The following GZMK variants were observed in gnomAD, a reference collection of about 807,000 sequenced individuals.
The protein encoded by GZMK is granzyme K.
Under a neutral mutation model 22.8 loss-of-function variants are expected in GZMK, and 18 were observed. The observed-to-expected ratio is 0.79, with a 90% CI of 0.54 to 1.17. The LOEUF is 1.17. GZMK is among the 50% of genes most tolerant of loss of function. GZMK has a pLI of 0.00. For missense variants in GZMK, 342 were observed against 320.2 expected (o/e 1.07, Z -0.52); for synonymous variants, 136 against 115.0 (o/e 1.18, Z -1.17).
rs1181887378 is a variant in GZMK, at chr5:55,033,837, G to A, written c.706G>A (p.Val236Ile). 6.2e-7 allele frequency: 1 copy of A among 1,613,536 alleles called. No homozygotes were observed. The highest frequency in any genetic ancestry group is 1.1e-5 in the South Asian group (1 of 91,070). The change falls in exon 5 of 5, where the codon GTT (valine) becomes ATT (isoleucine). Residue 236 changes from valine (V) to isoleucine (I), a missense_variant. Physicochemically the swap from Val to Ile is conservative, Grantham distance 29. Transcript: ENST00000231009. The stretch of plus-strand genomic sequence containing the variant: ...AGTCTCTGGAGGTCATGAATGTGGT[G>A]TTGCCACAAAGCCTGGAATCTACAC... ...AIVSGGHECG[V>I]ATKPGIYTLL...
At chr5:55,026,417 GT>G (rs148349793) in intron 2 of GZMK, among the ~76,000 whole-genome samples, 7 of 149,488 alleles carry the variant, frequency 4.7e-5, no homozygotes, top group Admixed American at 4.0e-4. Context: ...TTTGTGTTTT[GT>G]TTTTTTTTTC....
chr5:55,033,116 C>A (rs763689132), intron 4 of GZMK, among the ~76,000 whole-genome samples: 1 of 152,226 alleles, frequency 6.6e-6, no homozygotes, highest in Non-Finnish European at 1.5e-5. Flanking sequence ...ATAGCTCTTT[C>A]CCTTCACTTG....
In GZMK at chr5:55,024,751, T is replaced by C; in HGVS notation, c.156T>C (p.Cys52=). Residue 52 remains cysteine, a synonymous_variant, in exon 2 of 5, where the codon TGT becomes TGC. Coordinates refer to ENST00000231009, the MANE Select transcript of GZMK (RefSeq NM_002104.3). The part of the protein sequence containing the change: ...ASIQYGGHHV[C]GGVLIDPQWV... ...TCCAGTATGGCGGACATCACGTTTG[T>C]GGAGGTGTTCTGATTGATCCACAGT... The C allele has an allele frequency of 6.2e-7, 1 of 1,612,048 alleles. No individual in the cohort carries two copies.
At chr5:55,024,433 T>G in intron 1 of GZMK, 47 bp downstream of exon 1, 1 of 907,220 alleles carries the variant, frequency 1.1e-6, no homozygotes, top group Non-Finnish European at 1.8e-6. Context: ...GAATTTCTAC[T>G]GACTATATTG....
chr5:55,027,727 A>G, intron 2 of GZMK: 1 of 152,242 alleles, frequency 6.6e-6, no homozygotes, highest in East Asian at 1.9e-4. Context: ...TATAAGCCGC[A>G]CTGTAGTTCT....
At chr5:55,025,938 T>C (rs1741136907) in intron 2 of GZMK, among the ~76,000 whole-genome samples, 1 of 152,224 alleles carries the variant, frequency 6.6e-6, no homozygotes, top group Middle Eastern at 3.2e-3. Flanking sequence ...ATATGGTTAC[T>C]TCATTTACAC....
chr5:55,024,631 G>T (rs1035739563), intron 1 of GZMK, 29 bp from the exon 2 acceptor site: 1 of 1,517,458 alleles, frequency 6.6e-7, no homozygotes, highest in Admixed American at 1.8e-5. Flanking sequence ...TAGATCTTTT[G>T]TGTGAAACCT....
At position 55,034,271 on chromosome 5, in the gene GZMK, G is replaced by A. The variant is rs1741282174; in HGVS notation, c.*345G>A. 4.8e-6 allele frequency: 1 copy of A among 209,968 alleles called. No homozygotes were observed. The highest frequency in any genetic ancestry group is 2.3e-5 in the African/African-American group (1 of 43,016). 13.0% of individuals were successfully genotyped at this position (209,968 alleles called of 1,614,324 possible). A position where few individuals can be genotyped will look rare whatever the true frequency, so the allele number is the denominator to read the frequency against. ...AACTTCTGCTGGATCATCCTAAGTTGTTGGGTTGTTTTCTTTTCATTGTTG... is the reference window on the plus strand; with the variant it reads ...AACTTCTGCTGGATCATCCTAAGTTATTGGGTTGTTTTCTTTTCATTGTTG... On this transcript the variant is annotated 3_prime_UTR_variant, in exon 5 of 5. Coordinates refer to ENST00000231009, the MANE Select transcript of GZMK (RefSeq NM_002104.3).
intron 2 of GZMK, among the ~76,000 whole-genome samples, chr5:55,026,522 G>T (rs1271507421): frequency 6.6e-6 from 1 of 152,072 alleles, no homozygotes; most frequent in Admixed American, 6.6e-5. Flanking sequence ...GGACACTTGG[G>T]TGTAAAAAGT....
chr5:55,034,079 C>T lies in GZMK; in HGVS notation c.*153C>T. 1.8e-6 allele frequency: 1 copy of T among 564,754 alleles called. No individual in the cohort carries two copies. The allele number at this position is 564,754 out of a possible 1,614,324, so 35.0% of individuals were successfully genotyped here. On this transcript the variant is annotated 3_prime_UTR_variant, in exon 5 of 5. Transcript: ENST00000231009. ...GAATCAAGTTCTTTTTCACTTGTAT[C>T]ACTGATGTATTTCTACCATGCTGGT...
At chr5:55,026,162 C>A (rs1307126320) in intron 2 of GZMK, among the ~76,000 whole-genome samples, 3 of 152,220 alleles carry the variant, frequency 2.0e-5, no homozygotes, top group Admixed American at 6.5e-5. Context: ...AAATGTTCAA[C>A]AAACTTTGGA....
chr5:55,031,191 T>G (rs1580300569), intron 3 of GZMK, among the ~76,000 whole-genome samples, 173 bp from the exon 4 acceptor site: 1 of 151,554 alleles, frequency 6.6e-6, no homozygotes, highest in Admixed American at 6.6e-5. Flanking sequence ...CCTCGGGGAG[T>G]AGAGAGCATG....
chr5:55,030,919 G>A (rs1741219293), intron 3 of GZMK, among the ~76,000 whole-genome samples: 1 of 152,170 alleles, frequency 6.6e-6, no homozygotes, highest in Non-Finnish European at 1.5e-5. Flanking sequence ...TACAACAGTT[G>A]TTTATACAAC....
Position 55,034,290 on chromosome 5 carries a change from A to G in GZMK, c.*364A>G, listed in dbSNP as rs1426006961. 6 of 197,050 alleles carry G rather than the reference A, an allele frequency of 3.0e-5. No individual in the cohort carries two copies. Among genetic ancestry groups the G allele is most frequent in the Non-Finnish European group, 5.2e-5 (5 of 95,948 alleles). 12.2% of individuals were successfully genotyped at this position (197,050 alleles called of 1,614,324 possible). A position where few individuals can be genotyped will look rare whatever the true frequency, so the allele number is the denominator to read the frequency against. On this transcript the variant is annotated 3_prime_UTR_variant, in exon 5 of 5. Transcript: ENST00000231009. ...TAAGTTGTTGGGTTGTTTTCTTTTC[A>G]TTGTTGTGATAACATTGAACATGAG...
At chr5:55,025,638 G>A (rs1010244614) in intron 2 of GZMK, 22 of 151,990 alleles carry the variant, frequency 1.4e-4, no homozygotes, top group Admixed American at 1.4e-3. Flanking sequence ...TTTTGGTTTT[G>A]TTTTTTGTTT....
At position 55,030,472 on chromosome 5, in the gene GZMK, C is replaced by G; in HGVS notation, c.251C>G (p.Ala84Gly). 1 of 1,613,784 alleles carries G rather than the reference C, an allele frequency of 6.2e-7. No homozygotes were observed. ...KGQSPTVVLG[A>G]HSLSKNEASK... ...CAGTCTCCCACTGTGGTTTTAGGCG[C>G]ACACTCTCTCTCAAAGAATGAGGCC... is the stretch of plus-strand genomic sequence containing the variant. The change falls in exon 3 of 5, where the codon GCA becomes GGA. Residue 84 changes from alanine (A) to glycine (G), a missense_variant. By Grantham distance (60) the Ala-to-Gly change is moderately conservative. Coordinates refer to ENST00000231009, the MANE Select transcript of GZMK (RefSeq NM_002104.3).
intron 3 of GZMK, among the ~76,000 whole-genome samples, chr5:55,031,101 ATG>A (rs1340734759): frequency 1.3e-5 from 2 of 152,218 alleles, no homozygotes; most frequent in Non-Finnish European, 2.9e-5. Context: ...AAACCATCCA[ATG>A]CAGGGCAAAG....
intron 1 of GZMK, 112 bp from the exon 2 acceptor site, chr5:55,024,548 G>T: frequency 1.2e-6 from 1 of 834,964 alleles, no homozygotes; most frequent in Non-Finnish European, 1.9e-6. Flanking sequence ...TTTTAGGTAG[G>T]GTTATTGTTG....
At chr5:55,028,395 C>T (rs1401058593) in intron 2 of GZMK, 1 of 152,164 alleles carries the variant, frequency 6.6e-6, no homozygotes, top group Non-Finnish European at 1.5e-5. Flanking sequence ...GAAATTTCCA[C>T]CCGGTCCTGA....
Sources: allele counts gnomAD v4.1 joint callset (sites outside exome capture counted in the v4.1 genomes callset), GRCh38; gene constraint gnomAD v4.1.1; transcripts MANE v1.5; gene names NCBI Gene and HGNC (gene_info 2026-07-23, HGNC 2026-07-21).